RTF1: variants seen among roughly 807,000 people sequenced by gnomAD.
RTF1 encodes RTF1 homolog, Paf1/RNA polymerase II complex component, also known as RNA polymerase-associated protein RTF1 homolog.
A neutral mutation model predicts 95.7 loss-of-function variants in RTF1; 10 were observed. The observed-to-expected ratio is 0.10, with a 90% CI of 0.06 to 0.18. The LOEUF is 0.18. Among genes scored for constraint, RTF1 ranks in the 10% least tolerant of loss-of-function variants. The pLI is 1.00. For synonymous variants in RTF1, 305 were observed against 311.8 expected, an observed-to-expected ratio of 0.98 and a Z score of 0.23; for missense variants, 458 against 875.6, an observed-to-expected ratio of 0.52 and a Z score of 6.02.
intron 2 of RTF1, among the ~76,000 whole-genome samples, chr15:41,440,965 C>T (rs924421853): frequency 2.7e-5 from 4 of 147,290 alleles, no homozygotes; most frequent in Non-Finnish European, 6.0e-5. Context: ...CCACTAGTCC[C>T]CTCTTTTTTT....
At chr15:41,452,853 A>G in intron 2 of RTF1, 48 bp from the exon 3 acceptor site, 1 of 1,384,036 alleles carries the variant, frequency 7.2e-7, no homozygotes, top group Non-Finnish European at 9.6e-7. Flanking sequence ...TTTTCCCAAT[A>G]AAGTCCCTAT....
intron 1 of RTF1, among the ~76,000 whole-genome samples, chr15:41,419,262 G>T (rs2050588675): frequency 6.6e-6 from 1 of 151,918 alleles, no homozygotes; most frequent in African/African-American, 2.4e-5. Context: ...TAACAACATT[G>T]GCTACCATTT....
chr15:41,473,883 A>T (rs2050928588), intron 8 of RTF1, among the ~76,000 whole-genome samples: 1 of 152,012 alleles, frequency 6.6e-6, no homozygotes, highest in East Asian at 1.9e-4. Flanking sequence ...TAAAAATACA[A>T]AAAATTAGCT....
chr15:41,422,147 G>A (rs1021830490), intron 1 of RTF1, among the ~76,000 whole-genome samples: 3 of 152,040 alleles, frequency 2.0e-5, no homozygotes, highest in African/African-American at 7.2e-5. Flanking sequence ...CAATTCTCCT[G>A]CCTCAGCCTC....
intron 3 of RTF1, among the ~76,000 whole-genome samples, chr15:41,455,745 C>T (rs115488112): frequency 0.013 from 1,944 of 149,072 alleles, 42 homozygotes; most frequent in African/African-American, 0.047. Flanking sequence ...TGCAGTGAGC[C>T]GAGATCAGGC....
At chr15:41,428,387 C>T (rs988454128) in intron 1 of RTF1, among the ~76,000 whole-genome samples, 2 of 148,838 alleles carry the variant, frequency 1.3e-5, no homozygotes, top group African/African-American at 5.0e-5. Context: ...CCCGCCTCAG[C>T]CTCCCGAGTA....
At chr15:41,473,023 A>AT (rs1003686846) in intron 8 of RTF1, among the ~76,000 whole-genome samples, 15 of 150,790 alleles carry the variant, frequency 9.9e-5, no homozygotes, top group African/African-American at 3.2e-4. Flanking sequence ...TTAAAAAAAA[A>AT]TTTTTGTAGC....
intron 17 of RTF1, 26 bp downstream of exon 17, chr15:41,480,351 A>G (rs771368822): frequency 3.6e-5 from 53 of 1,469,398 alleles, no homozygotes; most frequent in Non-Finnish European, 4.7e-5. Context: ...GCGGGTGGTG[A>G]GGGCTGAGAA....
In RTF1 at chr15:41,444,439, G is replaced by A. The variant is rs902275111; in HGVS notation, c.309+6008G>A. Among the ~76,000 whole-genome samples the A allele has an allele frequency of 3.3e-5, 5 of 151,968 alleles. No homozygotes were observed. In the East Asian group the frequency reaches 7.8e-4, roughly 24 times the overall value. ...CTCTCGAGTAGCTGGGATTACAGGC[G>A]CCTGCCACCACGCCCGGCTAACTTT... On this transcript the variant is annotated intron_variant, in intron 2 of 17. Coordinates refer to ENST00000389629, the MANE Select transcript of RTF1 (RefSeq NM_015138.5).
chr15:41,476,733 G>T (rs1400300188), intron 12 of RTF1, among the ~76,000 whole-genome samples: 1 of 152,242 alleles, frequency 6.6e-6, no homozygotes, highest in African/African-American at 2.4e-5. Flanking sequence ...GTGTGTGCCA[G>T]TCTTCTTACT....
At chr15:41,470,214 C>G (rs1448975711) in intron 6 of RTF1, 43 bp from the exon 7 acceptor site, 1 of 1,594,080 alleles carries the variant, frequency 6.3e-7, no homozygotes. Flanking sequence ...AATTCATTTT[C>G]TTGTTGAGAA....
At chr15:41,425,692 GTATT>G (rs1466427196) in intron 1 of RTF1, among the ~76,000 whole-genome samples, 3 of 152,178 alleles carry the variant, frequency 2.0e-5, no homozygotes, top group Non-Finnish European at 2.9e-5. Context: ...CACCCAGTCA[GTATT>G]TATTAAATGA....
At chr15:41,473,985 C>T (rs1249321490) in intron 8 of RTF1, among the ~76,000 whole-genome samples, 2 of 151,712 alleles carry the variant, frequency 1.3e-5, no homozygotes, top group African/African-American at 4.8e-5. Flanking sequence ...TGCAGTGAGC[C>T]AAAATCATGC....
intron 1 of RTF1, among the ~76,000 whole-genome samples, chr15:41,419,446 G>A (rs1216256038): frequency 6.6e-6 from 1 of 152,198 alleles, no homozygotes; most frequent in Admixed American, 6.5e-5. Flanking sequence ...AGATCTGCAT[G>A]AGTACAAAGC....
intron 2 of RTF1, among the ~76,000 whole-genome samples, chr15:41,443,995 G>T (rs541033058): frequency 5.5e-4 from 83 of 151,904 alleles, no homozygotes; most frequent in African/African-American, 1.9e-3. Context: ...GTGAACCCGG[G>T]GGGCAGAGCT....
intron 1 of RTF1, among the ~76,000 whole-genome samples, chr15:41,435,948 T>C (rs1451646064): frequency 6.6e-6 from 1 of 152,172 alleles, no homozygotes. Context: ...GTTTGAATCC[T>C]GGCTCTATCA....
Position 41,417,289 on chromosome 15 carries a change from C to T in RTF1, c.174C>T (p.Ser58=), listed in dbSNP as rs548377374. ...RVVIDSDTED[S]GSDENLDQEL... is the part of the protein sequence containing the mutation. ...TGATCGACTCGGACACAGAGGACAG[C>T]GGCAGCGACGAGAACCTGGATCAGG... is the stretch of plus-strand genomic sequence containing the variant. The change falls in exon 1 of 18, where the codon AGC becomes AGT. Residue 58 remains serine, a synonymous_variant. Transcript: ENST00000389629. 1.0e-4 allele frequency: 127 copies of T among 1,247,650 alleles called. No individual in the cohort carries two copies. In the South Asian group the frequency reaches 3.2e-3, roughly 32 times the overall value. The allele number at this position is 1,247,650 out of a possible 1,614,324, so 77.3% of individuals were successfully genotyped here.
chr15:41,474,016 G>A (rs2050929434), intron 8 of RTF1, among the ~76,000 whole-genome samples: 1 of 151,788 alleles, frequency 6.6e-6, no homozygotes, highest in East Asian at 1.9e-4. Flanking sequence ...CAGCCTGGGC[G>A]ACAGAGCAAG....
chr15:41,450,608 TC>T (rs1473150621), intron 2 of RTF1, among the ~76,000 whole-genome samples: 1 of 150,836 alleles, frequency 6.6e-6, no homozygotes, highest in Non-Finnish European at 1.5e-5. Context: ...AAAATTATCT[TC>T]CTTGAAATGA....
Sources: gnomAD v4.1 joint callset for allele counts (sites outside exome capture counted in the v4.1 genomes callset) on GRCh38, gnomAD v4.1.1 for gene constraint, MANE v1.5 for transcripts, NCBI Gene and HGNC (gene_info 2026-07-23, HGNC 2026-07-21) for gene names.